LYPLAL1: variants seen among roughly 807,000 people sequenced by gnomAD.
LYPLAL1 encodes the protein lysophospholipase like 1.
Under a neutral mutation model 19.7 loss-of-function variants are expected in LYPLAL1, and 23 were observed. The ratio of observed to expected loss-of-function variants is 1.17; its 90% confidence interval spans 0.84 to 1.65. The LOEUF (loss-of-function observed/expected upper bound fraction) is 1.65. LYPLAL1 is among the 40% of genes most tolerant of loss of function. The pLI is 0.00. For missense variants in LYPLAL1, 355 were observed against 279.4 expected (o/e 1.27, Z -1.93); for synonymous variants, 119 against 96.3 (o/e 1.24, Z -1.38).
the LYPLAL1 span, among the ~76,000 whole-genome samples, chr1:219,236,288 G>A: frequency 1.7e-4 from 26 of 152,092 alleles, no homozygotes; most frequent in African/African-American, 5.8e-4. Context: ...ATCACACTTT[G>A]GTTTAACACA....
At chr1:219,323,798 C>T in the LYPLAL1 span, among the ~76,000 whole-genome samples, 1 of 152,090 alleles carries the variant, frequency 6.6e-6, no homozygotes, top group East Asian at 1.9e-4. Flanking sequence ...TTAATCTCCC[C>T]AGTATAACAA....
At chr1:219,260,527 T>A in the LYPLAL1 span, among the ~76,000 whole-genome samples, 1 of 151,412 alleles carries the variant, frequency 6.6e-6, no homozygotes, top group East Asian at 1.9e-4. Context: ...AAAATATATC[T>A]TCTCAGAACT....
the LYPLAL1 span, among the ~76,000 whole-genome samples, chr1:219,341,465 AATTTT>A: frequency 6.6e-6 from 1 of 152,044 alleles, no homozygotes; most frequent in Admixed American, 6.6e-5. Flanking sequence ...GAAAAGGTTC[AATTTT>A]ATTTTATTTT....
the LYPLAL1 span, among the ~76,000 whole-genome samples, chr1:219,280,190 T>C: frequency 7.6e-4 from 116 of 152,312 alleles, no homozygotes; most frequent in Non-Finnish European, 1.4e-3. Context: ...CTGACTGCAG[T>C]CCAAAACCCT....
the LYPLAL1 span, among the ~76,000 whole-genome samples, chr1:219,372,709 G>A: frequency 6.6e-6 from 1 of 152,088 alleles, no homozygotes; most frequent in Non-Finnish European, 1.5e-5. Flanking sequence ...AGACTAACCT[G>A]GGCAACATGG....
the LYPLAL1 span, chr1:219,442,730 G>A: frequency 1.3e-5 from 2 of 152,070 alleles, no homozygotes; most frequent in Non-Finnish European, 2.9e-5. Flanking sequence ...CAGAGGGAAG[G>A]AGCTCTGTGT....
the LYPLAL1 span, among the ~76,000 whole-genome samples, chr1:219,442,012 T>G: frequency 6.6e-6 from 1 of 152,158 alleles, no homozygotes; most frequent in Non-Finnish European, 1.5e-5. Flanking sequence ...GAACAATATT[T>G]ACCTCCCTGG....
the LYPLAL1 span, among the ~76,000 whole-genome samples, chr1:219,382,115 G>A: frequency 4.6e-5 from 7 of 152,200 alleles, no homozygotes; most frequent in African/African-American, 1.7e-4. Context: ...GACACAGTCA[G>A]GGAGGAAAGC....
chr1:219,289,092 T>TTTTGCC, the LYPLAL1 span, among the ~76,000 whole-genome samples: 1 of 151,166 alleles, frequency 6.6e-6, no homozygotes, highest in Non-Finnish European at 1.5e-5. Flanking sequence ...TTTTTGTTTT[T>TTTTGCC]TTTGCCTTTG....
the LYPLAL1 span, among the ~76,000 whole-genome samples, chr1:219,324,126 T>C: frequency 6.6e-6 from 1 of 152,198 alleles, no homozygotes; most frequent in African/African-American, 2.4e-5. Flanking sequence ...TTCTTTACCC[T>C]ACAAGAAAAC....
At chr1:219,257,743 A>G in the LYPLAL1 span, among the ~76,000 whole-genome samples, 2 of 152,034 alleles carry the variant, frequency 1.3e-5, no homozygotes, top group Non-Finnish European at 2.9e-5. Flanking sequence ...CTGTGCACAT[A>G]TTGTCTTGAT....
intron 3 of LYPLAL1, among the ~76,000 whole-genome samples, chr1:219,207,602 G>GC (rs754062683): frequency 2.0e-5 from 3 of 151,928 alleles, no homozygotes; most frequent in Non-Finnish European, 4.4e-5. Context: ...CTTTCTGTGT[G>GC]CCAGGCACTG....
chr1:219,224,540 C>T, the LYPLAL1 span, among the ~76,000 whole-genome samples: 2 of 152,076 alleles, frequency 1.3e-5, no homozygotes, highest in East Asian at 3.9e-4. Flanking sequence ...CGGTGACGTA[C>T]TCATGGTTCT....
At chr1:219,402,484 A>G in the LYPLAL1 span, among the ~76,000 whole-genome samples, 2 of 152,172 alleles carry the variant, frequency 1.3e-5, no homozygotes, top group African/African-American at 4.8e-5. Context: ...ATTCACATCA[A>G]AAGGAACATT....
the LYPLAL1 span, among the ~76,000 whole-genome samples, chr1:219,365,456 CA>C: frequency 6.6e-6 from 1 of 152,034 alleles, no homozygotes; most frequent in African/African-American, 2.4e-5. Flanking sequence ...CAAAACAACC[CA>C]AAGGAAGGCT....
the LYPLAL1 span, among the ~76,000 whole-genome samples, chr1:219,218,191 A>G: frequency 6.6e-6 from 1 of 152,248 alleles, no homozygotes; most frequent in African/African-American, 2.4e-5. Context: ...AACTGAGAAC[A>G]AAATAGGAGG....
At chr1:219,344,534 A>G in the LYPLAL1 span, among the ~76,000 whole-genome samples, 2 of 152,182 alleles carry the variant, frequency 1.3e-5, no homozygotes, top group Non-Finnish European at 2.9e-5. Context: ...AGTCCACAGC[A>G]TAAGTGACTT....
At chr1:219,432,449 G>T in the LYPLAL1 span, among the ~76,000 whole-genome samples, 1 of 152,106 alleles carries the variant, frequency 6.6e-6, no homozygotes, top group South Asian at 2.1e-4. Context: ...ACTAGGGGTG[G>T]GAGGAAGTCT....
At chr1:219,357,061 T>C in the LYPLAL1 span, among the ~76,000 whole-genome samples, 1 of 152,224 alleles carries the variant, frequency 6.6e-6, no homozygotes, top group Non-Finnish European at 1.5e-5. Context: ...TTCACTTGAA[T>C]GTCACTTGAA....
Sources: gnomAD v4.1 joint callset for allele counts (sites outside exome capture counted in the v4.1 genomes callset) on GRCh38, gnomAD v4.1.1 for gene constraint, MANE v1.5 for transcripts, NCBI Gene and HGNC (gene_info 2026-07-23, HGNC 2026-07-21) for gene names.